CASP4: variants seen among roughly 807,000 people sequenced by gnomAD.
The protein encoded by CASP4 is caspase-4.
Under a neutral mutation model 41.3 loss-of-function variants are expected in CASP4, and 29 were observed. The ratio of observed to expected loss-of-function variants is 0.70; its 90% confidence interval spans 0.52 to 0.96. The LOEUF is 0.96. Ranked by LOEUF, CASP4 falls within the 40% of genes least tolerant of loss-of-function variation. The probability of loss-of-function intolerance (pLI) is 0.00; values close to 1 mark genes in which losing one functional copy is unlikely to be tolerated. For synonymous variants in CASP4, 185 were observed against 158.4 expected (o/e 1.17, Z -1.26); for missense variants, 447 against 460.6 (o/e 0.97, Z 0.27).
At chr11:104,963,700 C>T (rs1277101272) in intron 1 of CASP4, among the ~76,000 whole-genome samples, 1 of 152,178 alleles carries the variant, frequency 6.6e-6, no homozygotes, top group East Asian at 1.9e-4. Context: ...ATGAGACTTC[C>T]ATGGGGGATG....
chr11:104,949,456 A>T, intron 5 of CASP4, 87 bp downstream of exon 5: 2 of 1,374,426 alleles, frequency 1.5e-6, no homozygotes, highest in South Asian at 1.2e-5. Flanking sequence ...GATGAGGTTT[A>T]AGAATGTTGC....
chr11:104,954,038 C>T (rs1487995333), intron 2 of CASP4, among the ~76,000 whole-genome samples: 1 of 152,038 alleles, frequency 6.6e-6, no homozygotes, highest in African/African-American at 2.4e-5. Context: ...TGCTATGTGC[C>T]AAGAAAACTA....
intron 1 of CASP4, among the ~76,000 whole-genome samples, chr11:104,958,538 C>T (rs747477207): frequency 2.0e-5 from 3 of 152,078 alleles, no homozygotes; most frequent in Admixed American, 2.0e-4. Context: ...CCTCTCTAGC[C>T]ACCAGGGAAA....
At chr11:104,962,409 A>G (rs1281262775) in intron 1 of CASP4, among the ~76,000 whole-genome samples, 3 of 152,214 alleles carry the variant, frequency 2.0e-5, no homozygotes, top group Admixed American at 6.5e-5. Context: ...AGAAAAAAGA[A>G]TTTACAAGAC....
chr11:104,968,424 A>G (rs1197379619), intron 1 of CASP4, 95 bp downstream of exon 1: 9 of 1,120,072 alleles, frequency 8.0e-6, no homozygotes, highest in African/African-American at 4.6e-5. Context: ...CATGTGTGCT[A>G]TCGGCTCACT....
intron 6 of CASP4, 87 bp from the exon 7 acceptor site, chr11:104,947,279 GAA>G: frequency 1.3e-6 from 1 of 754,822 alleles, no homozygotes; most frequent in South Asian, 1.9e-5. Context: ...TTTTTAAAAA[GAA>G]AAGCATAGCT....
Position 104,954,755 on chromosome 11 carries a change from T to C in CASP4, c.254A>G (p.Asn85Ser), listed in dbSNP as rs146623912. The change falls in exon 2 of 9, where the codon AAT becomes AGT. Residue 85 changes from asparagine (N) to serine (S), a missense_variant. Physicochemically the swap from Asn to Ser is conservative, Grantham distance 46. Coordinates refer to ENST00000444739, the MANE Select transcript of CASP4 (RefSeq NM_001225.4). The stretch of plus-strand genomic sequence containing the variant: ...AAAAAATCCAGTCTTACCTTTTTTA[T>C]TGGGGGATATTTGGTCTATGTTAAA... ...TFFNIDQISP[N>S]KKAHPNMEAG... 5.8e-5 allele frequency: 94 copies of C among 1,611,800 alleles called. 1 individual carries two copies. The highest frequency in any genetic ancestry group is 1.6e-4 in the Middle Eastern group (1 of 6,070).
chr11:104,962,249 G>T (rs1028139217), intron 1 of CASP4, among the ~76,000 whole-genome samples: 12 of 152,028 alleles, frequency 7.9e-5, no homozygotes, highest in African/African-American at 2.9e-4. Flanking sequence ...CGTTCTTCTG[G>T]AAGTTACAGA....
chr11:104,954,613 A>G (rs1860690302), intron 2 of CASP4, 134 bp downstream of exon 2: 1 of 872,872 alleles, frequency 1.1e-6, no homozygotes. Flanking sequence ...CTCTAAAAGG[A>G]CAAAGATAGG....
intron 1 of CASP4, among the ~76,000 whole-genome samples, chr11:104,966,173 CTCTG>C (rs1250901328): frequency 3.3e-5 from 5 of 152,186 alleles, no homozygotes; most frequent in Non-Finnish European, 7.3e-5. Flanking sequence ...GATAAATTGG[CTCTG>C]TCTAAGCAGT....
intron 4 of CASP4, among the ~76,000 whole-genome samples, chr11:104,950,056 C>T (rs1860569707): frequency 6.6e-6 from 1 of 152,118 alleles, no homozygotes; most frequent in African/African-American, 2.4e-5. Flanking sequence ...TCTCAATCTT[C>T]TATCTCCTTA....
intron 1 of CASP4, among the ~76,000 whole-genome samples, chr11:104,967,083 C>G (rs1259908652): frequency 6.6e-6 from 1 of 152,062 alleles, no homozygotes; most frequent in Non-Finnish European, 1.5e-5. Flanking sequence ...TTATCAGGAC[C>G]ACAGTTTTGG....
intron 8 of CASP4, 162 bp downstream of exon 8, chr11:104,944,586 T>G (rs1860407099): frequency 3.6e-6 from 2 of 555,108 alleles, no homozygotes; most frequent in African/African-American, 3.8e-5. Flanking sequence ...GGAATCCAAA[T>G]ACATGTAAGT....
intron 1 of CASP4, among the ~76,000 whole-genome samples, chr11:104,957,522 T>C (rs1177903920): frequency 1.4e-5 from 2 of 147,890 alleles, no homozygotes; most frequent in Non-Finnish European, 2.9e-5. Context: ...TAGTGAGCTA[T>C]AATTGTGACA....
intron 1 of CASP4, among the ~76,000 whole-genome samples, chr11:104,966,950 T>C (rs931021082): frequency 2.6e-5 from 4 of 152,218 alleles, no homozygotes; most frequent in Admixed American, 2.0e-4. Context: ...ATGAATTAGC[T>C]ATCATATGGT....
intron 1 of CASP4, among the ~76,000 whole-genome samples, chr11:104,961,564 GTT>G (rs1008972023): frequency 2.8e-4 from 43 of 152,284 alleles, no homozygotes; most frequent in African/African-American, 8.9e-4. Context: ...CGGGGTATCT[GTT>G]CGGCTCCACT....
chr11:104,961,461 T>G (rs1860856954), intron 1 of CASP4, among the ~76,000 whole-genome samples: 1 of 151,808 alleles, frequency 6.6e-6, no homozygotes. Context: ...CTTCCTTCTC[T>G]CGACTTGTCT....
chr11:104,946,349 C>T (rs758792242), intron 7 of CASP4, among the ~76,000 whole-genome samples: 3 of 152,120 alleles, frequency 2.0e-5, no homozygotes, highest in Admixed American at 6.6e-5. Context: ...ATATCTGCTA[C>T]GTGCCAGGTT....
chr11:104,944,383 T>C, intron 8 of CASP4: 1 of 202,008 alleles, frequency 5.0e-6, no homozygotes, highest in Non-Finnish European at 1.0e-5. Flanking sequence ...TGTGTGTGTG[T>C]GTGTGTGTGT....
Sources: gnomAD v4.1 joint callset for allele counts (sites outside exome capture counted in the v4.1 genomes callset) on GRCh38, gnomAD v4.1.1 for gene constraint, MANE v1.5 for transcripts, NCBI Gene and HGNC (gene_info 2026-07-23, HGNC 2026-07-21) for gene names.